FHIT: variants seen among roughly 807,000 people sequenced by gnomAD.
FHIT encodes the protein fragile histidine triad diadenosine triphosphatase.
FHIT carries 19 observed loss-of-function variants against 17.9 expected under a neutral mutation model. The observed-to-expected ratio is 1.06, with a 90% CI of 0.74 to 1.56. The LOEUF (loss-of-function observed/expected upper bound fraction) is 1.56, where lower values mean the gene tolerates loss of function less well. Among genes scored for constraint, FHIT ranks in the 40% most tolerant of loss-of-function variants. FHIT has a pLI of 0.00. For missense variants in FHIT, 248 were observed against 189.2 expected (o/e 1.31, Z -1.82); for synonymous variants, 81 against 69.7 (o/e 1.16, Z -0.81).
chr3:61,049,466 A>G (rs1273461585), intron 2 of FHIT, among the ~76,000 whole-genome samples: 1 of 152,114 alleles, frequency 6.6e-6, no homozygotes, highest in Admixed American at 6.6e-5. Flanking sequence ...ATAGGAAACT[A>G]CTATGAGTGG....
At chr3:61,064,756 T>C (rs966120334) in intron 2 of FHIT, among the ~76,000 whole-genome samples, 1 of 152,150 alleles carries the variant, frequency 6.6e-6, no homozygotes, top group African/African-American at 2.4e-5. Context: ...CATAGGATCA[T>C]ATAGCAAGGA....
intron 2 of FHIT, among the ~76,000 whole-genome samples, chr3:61,155,600 C>A (rs1230660212): frequency 6.6e-6 from 1 of 151,908 alleles, no homozygotes; most frequent in Non-Finnish European, 1.5e-5. Context: ...TCCTTTTTTT[C>A]TTCTTCGTTG....
At chr3:59,948,872 CT>C (rs565756436) in intron 7 of FHIT, among the ~76,000 whole-genome samples, 2 of 151,896 alleles carry the variant, frequency 1.3e-5, no homozygotes, top group Non-Finnish European at 1.5e-5. Context: ...ATACTATAGA[CT>C]TTTTTTCCTT....
At chr3:59,994,152 A>C (rs1396994017) in intron 7 of FHIT, among the ~76,000 whole-genome samples, 1 of 152,116 alleles carries the variant, frequency 6.6e-6, no homozygotes, top group African/African-American at 2.4e-5. Context: ...ATTGTGGGTT[A>C]CAAAGCATTA....
intron 5 of FHIT, among the ~76,000 whole-genome samples, chr3:60,137,177 C>A (rs112934958): frequency 2.6e-5 from 4 of 152,154 alleles, no homozygotes; most frequent in South Asian, 2.1e-4. Context: ...CTTTTCCCAA[C>A]GGTACCTCGC....
In FHIT at chr3:60,567,586, A is replaced by C. The variant is rs1014391681; in HGVS notation, c.-17-30607T>G. 4.8e-3 allele frequency among the ~76,000 whole-genome samples: 725 copies of C among 152,328 alleles called. 40 individuals are homozygous for C. The East Asian group carries it at 0.12, about 25-fold the overall frequency. Reference sequence around the variant, plus strand: ...CCAAAACACTAAAAGCAATGGCAACAAAAGCCAAAATTGACAAATGGGATC... The same window carrying C: ...CCAAAACACTAAAAGCAATGGCAACCAAAGCCAAAATTGACAAATGGGATC... On this transcript the variant is annotated intron_variant, in intron 4 of 9. Coordinates refer to ENST00000492590, the MANE Select transcript of FHIT (RefSeq NM_002012.4).
intron 1 of FHIT, among the ~76,000 whole-genome samples, chr3:61,214,843 C>A (rs113800249): frequency 0.23 from 35,356 of 152,124 alleles, 4,492 homozygotes; most frequent in East Asian, 0.42. Context: ...GGATGCAAGG[C>A]TGGTCCAATG....
chr3:60,130,693 G>A (rs958812185), intron 5 of FHIT, among the ~76,000 whole-genome samples: 4 of 151,592 alleles, frequency 2.6e-5, no homozygotes, highest in Admixed American at 1.3e-4. Context: ...TACTTGAAAG[G>A]GCATCAGTAA....
At chr3:60,554,617 A>G (rs918498290) in intron 4 of FHIT, among the ~76,000 whole-genome samples, 4 of 152,192 alleles carry the variant, frequency 2.6e-5, no homozygotes, top group African/African-American at 7.2e-5. Flanking sequence ...TTATCAGAGC[A>G]AGGCCAGTCA....
rs1448093803 is a variant in FHIT, at chr3:60,173,896, TATATATATATATA to T, written c.104-159757_104-159745del. ...TCTCCATGTTTCTAATATATATATA[TATATATATATATA>T]TATATATGTTTTTTTTTTTTTTTGA... On this transcript the variant is annotated intron_variant, in intron 5 of 9. Transcript: ENST00000492590. 1.9e-4 allele frequency among the ~76,000 whole-genome samples: 14 copies of T among 72,980 alleles called. 1 individual carries two copies. The East Asian group carries it at 0.01, about 54-fold the overall frequency. The allele number at this position is 72,980 out of a possible 152,430, so 47.9% of individuals were successfully genotyped here.
At chr3:60,650,156 T>A (rs2039958156) in intron 4 of FHIT, among the ~76,000 whole-genome samples, 2 of 152,218 alleles carry the variant, frequency 1.3e-5, no homozygotes, top group African/African-American at 4.8e-5. Flanking sequence ...TGTTGTCTCA[T>A]TGTTCAAGTG....
chr3:60,309,112 G>T (rs1267499899), intron 5 of FHIT, among the ~76,000 whole-genome samples: 2 of 152,120 alleles, frequency 1.3e-5, no homozygotes, highest in Non-Finnish European at 2.9e-5. Context: ...TTGCTCTGTA[G>T]TTCCATTATG....
At chr3:59,796,850 T>A (rs184754602) in intron 8 of FHIT, among the ~76,000 whole-genome samples, 1 of 152,188 alleles carries the variant, frequency 6.6e-6, no homozygotes, top group South Asian at 2.1e-4. Flanking sequence ...ATATTTGCTA[T>A]CTGTGCCAAA....
chr3:60,307,841 G>C (rs1194602582), intron 5 of FHIT, among the ~76,000 whole-genome samples: 7 of 97,978 alleles, frequency 7.1e-5, no homozygotes, highest in Non-Finnish European at 1.4e-4. Context: ...GGCCAAGGTA[G>C]AGAAGGTGAG....
At chr3:59,804,908 T>G (rs1374431754) in intron 8 of FHIT, among the ~76,000 whole-genome samples, 1 of 152,164 alleles carries the variant, frequency 6.6e-6, no homozygotes, top group Non-Finnish European at 1.5e-5. Context: ...AAACCACCCT[T>G]TCTCCCAGGT....
rs75158670 is a variant in FHIT, at chr3:59,963,511, A to T, written c.280-41097T>A. 9.7e-3 allele frequency among the ~76,000 whole-genome samples: 1,484 copies of T among 152,256 alleles called. 29 individuals are homozygous for T. The highest frequency in any genetic ancestry group is 0.034 in the African/African-American group (1,396 of 41,558). On this transcript the variant is annotated intron_variant, in intron 7 of 9. Coordinates refer to ENST00000492590, the MANE Select transcript of FHIT (RefSeq NM_002012.4). ...GAGAGACAGAAAGAGATATCACAGA[A>T]TTAGAACTTGAATCTCATTCAGTGG...
intron 5 of FHIT, among the ~76,000 whole-genome samples, chr3:60,290,044 G>T (rs1283697305): frequency 6.6e-6 from 1 of 152,116 alleles, no homozygotes; most frequent in Admixed American, 6.5e-5. Context: ...AGCTGATTGT[G>T]GTTCTTATCA....
intron 4 of FHIT, among the ~76,000 whole-genome samples, chr3:60,796,363 G>T (rs1007627152): frequency 7.9e-5 from 12 of 151,420 alleles, no homozygotes; most frequent in Admixed American, 7.2e-4. Flanking sequence ...CCAGTTTTTT[G>T]GCTGTTCCTT....
intron 2 of FHIT, among the ~76,000 whole-genome samples, chr3:61,167,461 A>C (rs1173038841): frequency 6.6e-6 from 1 of 151,398 alleles, no homozygotes; most frequent in African/African-American, 2.4e-5. Context: ...ACATGGCAAA[A>C]CTCCATCTCT....
Sources: allele counts gnomAD v4.1 joint callset (sites outside exome capture counted in the v4.1 genomes callset), GRCh38; gene constraint gnomAD v4.1.1; transcripts MANE v1.5; gene names NCBI Gene and HGNC (gene_info 2026-07-23, HGNC 2026-07-21).